The following CTNND1 variants were observed in gnomAD, a reference collection of about 807,000 sequenced individuals.
CTNND1 encodes the protein catenin delta 1.
CTNND1 carries 16 observed loss-of-function variants against 112.1 expected under a neutral mutation model. The observed-to-expected ratio is 0.14, with a 90% CI of 0.10 to 0.22. The LOEUF (loss-of-function observed/expected upper bound fraction) is 0.22. Among genes scored for constraint, CTNND1 ranks in the 10% least tolerant of loss-of-function variants. CTNND1 has a pLI of 1.00. For missense variants in CTNND1, 1,008 were observed against 1,257.0 expected (o/e 0.80, Z 3.00); for synonymous variants, 420 against 446.5 (o/e 0.94, Z 0.75).
In CTNND1 at chr11:57,788,648, G is replaced by C. The variant is rs2060377214; in HGVS notation, c.-213-389G>C. ...ATGTCTTTGTGGGCATGCTGGGACT[G>C]GGCTTTGAGGTTTCTGCCTTAGGGG... On this transcript the variant is annotated intron_variant, in intron 1 of 20. Transcript: ENST00000399050. The surrounding 1 kb of genome is among the most constrained non-coding windows in gnomAD (Gnocchi z 4.1). 6.6e-6 allele frequency among the ~76,000 whole-genome samples: 1 copy of C among 152,154 alleles called. No individual in the cohort carries two copies. Among genetic ancestry groups the C allele is most frequent in the Admixed American group, 6.5e-5 (1 of 15,270 alleles).
chr11:57,771,652 G>C (rs1251054259), intron 1 of CTNND1, among the ~76,000 whole-genome samples: 2 of 152,176 alleles, frequency 1.3e-5, no homozygotes, highest in Non-Finnish European at 2.9e-5. Flanking sequence ...GTAGGGTCTT[G>C]TTGTATACTA....
rs1430439447 is a variant in CTNND1, at chr11:57,762,040, A to G, written c.-293A>G. On this transcript the variant is annotated 5_prime_UTR_variant, in exon 1 of 21. Transcript: ENST00000399050. Reference sequence around the variant, plus strand: ...AAAGGACTGATTTTTAGAACTCCACATTTGAGGTGTGTGGCTTTTGAAGAA... The same window carrying G: ...AAAGGACTGATTTTTAGAACTCCACGTTTGAGGTGTGTGGCTTTTGAAGAA... The G allele has an allele frequency of 2.0e-6, 2 of 985,308 alleles. No individual in the cohort carries two copies. Among genetic ancestry groups the G allele is most frequent in the African/African-American group, 1.7e-5 (1 of 57,236 alleles). 61.0% of individuals were successfully genotyped at this position (985,308 alleles called of 1,614,324 possible). A position where few individuals can be genotyped will look rare whatever the true frequency, so the allele number is the denominator to read the frequency against.
At chr11:57,790,600 T>C (rs1462355269) in intron 2 of CTNND1, among the ~76,000 whole-genome samples, 2 of 128,834 alleles carry the variant, frequency 1.6e-5, no homozygotes, top group South Asian at 2.8e-4. Flanking sequence ...CACTGTCGCC[T>C]AGGCTGGAGT....
chr11:57,792,266 A>G (rs1459550661), intron 3 of CTNND1, among the ~76,000 whole-genome samples: 1 of 152,258 alleles, frequency 6.6e-6, no homozygotes, highest in Non-Finnish European at 1.5e-5. Flanking sequence ...CCAAATAACC[A>G]CAGGAGCCAG....
intron 1 of CTNND1, among the ~76,000 whole-genome samples, chr11:57,775,661 A>G (rs1176220924): frequency 1.3e-5 from 2 of 150,372 alleles, no homozygotes; most frequent in East Asian, 2.0e-4. Flanking sequence ...GGAAGGGCCA[A>G]TGTTACTTCC....
rs2063998418 is a variant in CTNND1, at chr11:57,816,403, G to T, written c.*95G>T. The T allele has an allele frequency of 6.6e-7, 1 of 1,517,426 alleles. No individual in the cohort carries two copies. The highest frequency in any genetic ancestry group is 1.4e-5 in the African/African-American group (1 of 72,984). 94.0% of individuals were successfully genotyped at this position (1,517,426 alleles called of 1,614,324 possible). On this transcript the variant is annotated 3_prime_UTR_variant, in exon 21 of 21. Coordinates refer to ENST00000399050, the MANE Select transcript of CTNND1 (RefSeq NM_001085458.2). ...TTTCCTTTTTCTTCGCTGGACTATT[G>T]TGCCAACTGCCAGGCTGCCTCCTGC... is the stretch of plus-strand genomic sequence containing the variant.
chr11:57,778,049 G>C lies in CTNND1; in HGVS notation c.-213-10988G>C, dbSNP rs11570177. ...TTACAGCCCCTGACCCACTTCAGGGGGTTGTGAGCAGGAAAAGCTGATGTT... is the reference window on the plus strand; with the variant it reads ...TTACAGCCCCTGACCCACTTCAGGGCGTTGTGAGCAGGAAAAGCTGATGTT... On this transcript the variant is annotated intron_variant, in intron 1 of 20. Transcript: ENST00000399050. 1.4e-3 allele frequency among the ~76,000 whole-genome samples: 213 copies of C among 152,222 alleles called. No individual in the cohort carries two copies. In the Middle Eastern group the frequency reaches 0.027, roughly 19 times the overall value.
chr11:57,769,531 A>C (rs948382689), intron 1 of CTNND1, among the ~76,000 whole-genome samples: 11 of 149,680 alleles, frequency 7.3e-5, no homozygotes, highest in Admixed American at 6.6e-4. Flanking sequence ...TTCTTCTACC[A>C]ATTCTCCTGT....
chr11:57,809,567 T>C, intron 15 of CTNND1, 101 bp downstream of exon 15: 2 of 1,011,112 alleles, frequency 2.0e-6, no homozygotes, highest in Non-Finnish European at 2.9e-6. Context: ...CTTATTTACG[T>C]GTAATGTGTG....
rs183357386 is a variant in CTNND1 at position 57,818,683 on chromosome 11, G to C, written c.*2375G>C. The C allele has an allele frequency of 6.6e-6, 1 of 152,116 alleles. No individual in the cohort carries two copies. Among genetic ancestry groups the C allele is most frequent in the Non-Finnish European group, 1.5e-5 (1 of 68,018 alleles). 9.4% of individuals were successfully genotyped at this position (152,116 alleles called of 1,614,324 possible). ...TTGAATGTGGCTGAAGTTGAACATG[G>C]GAGCTTATTGCTAATTTAGAGATAG... On this transcript the variant is annotated 3_prime_UTR_variant, in exon 21 of 21. Transcript: ENST00000399050.
chr11:57,773,184 A>G (rs949191639), intron 1 of CTNND1, among the ~76,000 whole-genome samples: 1 of 152,186 alleles, frequency 6.6e-6, no homozygotes, highest in East Asian at 1.9e-4. Flanking sequence ...TTTTTGAGAT[A>G]GAGCTTTGCT....
chr11:57,789,231 T>C (rs2060440653), intron 2 of CTNND1, 76 bp downstream of exon 2: 1 of 1,068,344 alleles, frequency 9.4e-7, no homozygotes, highest in African/African-American at 1.6e-5. Context: ...TCCTTTCATG[T>C]CATAGCAGAA....
chr11:57,791,371 C>T lies in CTNND1; in HGVS notation c.-94-14C>T, dbSNP rs926641438. On this transcript the variant is annotated splice_polypyrimidine_tract_variant and intron_variant, in intron 2 of 20. Transcript: ENST00000399050. ...GTGACCTTTTCTCTCCTTTCTCTTACCCTTTCCCGGTAGTGTGAAGTGAGG... is the reference window on the plus strand; with the variant it reads ...GTGACCTTTTCTCTCCTTTCTCTTATCCTTTCCCGGTAGTGTGAAGTGAGG... 2 of 1,359,780 alleles carry T rather than the reference C, an allele frequency of 1.5e-6. No homozygotes were observed. The highest frequency in any genetic ancestry group is 6.0e-5 in the East Asian group (2 of 33,278). 84.2% of individuals were successfully genotyped at this position (1,359,780 alleles called of 1,614,324 possible). A position where few individuals can be genotyped will look rare whatever the true frequency, so the allele number is the denominator to read the frequency against.
At position 57,791,084 on chromosome 11, in the gene CTNND1, A is replaced by G. The variant is rs139721852; in HGVS notation, c.-94-301A>G. 3.3e-5 allele frequency among the ~76,000 whole-genome samples: 5 copies of G among 152,234 alleles called. No individual in the cohort carries two copies. The East Asian group carries it at 9.7e-4, about 29-fold the overall frequency. On this transcript the variant is annotated intron_variant, in intron 2 of 20. Coordinates refer to ENST00000399050, the MANE Select transcript of CTNND1 (RefSeq NM_001085458.2). ...ACCAGCAGATTTTTTTCAGGGAAAA[A>G]TAATCCAATCTCATAACTACAGCAC... is the stretch of plus-strand genomic sequence containing the variant.
Position 57,801,986 on chromosome 11 carries a change from G to A in CTNND1, c.1210G>A (p.Val404Met). 7 of 1,614,044 alleles carry A rather than the reference G, an allele frequency of 4.3e-6. No individual in the cohort carries two copies. Among genetic ancestry groups the A allele is most frequent in the Non-Finnish European group, 5.9e-6 (7 of 1,179,902 alleles). Residue 404 changes from valine to methionine, a missense_variant, in exon 7 of 21, where the codon GTG becomes ATG. Transcript: ENST00000399050. ...CCGCAATGACAAGGTGAAGACTGAC[G>A]TGCGGAAGCTCAAGGGCATCCCAGT... is the stretch of plus-strand genomic sequence containing the variant. ...CYRNDKVKTDVRKLKGIPVLV... is the reference protein window; with the variant it reads ...CYRNDKVKTDMRKLKGIPVLV...
rs550314689 is a variant in CTNND1, at chr11:57,769,664, T to A, written c.-214+7545T>A. On this transcript the variant is annotated intron_variant, in intron 1 of 20. Transcript: ENST00000399050. ...TGGGTTTCCTTTTTTTCCCTTTAGGTTTTCCCTTAGGTCTTCATGGGCGTT... is the reference window on the plus strand; with the variant it reads ...TGGGTTTCCTTTTTTTCCCTTTAGGATTTCCCTTAGGTCTTCATGGGCGTT... Among the ~76,000 whole-genome samples the A allele has an allele frequency of 2.4e-4, 37 of 152,226 alleles. 1 individual carries two copies. The South Asian group carries it at 7.7e-3, about 32-fold the overall frequency.
intron 2 of CTNND1, among the ~76,000 whole-genome samples, chr11:57,790,106 GA>G (rs2060532136): frequency 6.6e-6 from 1 of 152,148 alleles, no homozygotes; most frequent in Non-Finnish European, 1.5e-5. Flanking sequence ...TTTGGAGGCA[GA>G]GTCTCACTCT....
At chr11:57,781,506 C>G (rs1185083787) in intron 1 of CTNND1, 1 of 152,216 alleles carries the variant, frequency 6.6e-6, no homozygotes, top group Non-Finnish European at 1.5e-5. Context: ...TGGCCTCTCC[C>G]CTTCCTTTAG....
intron 12 of CTNND1, 68 bp from the exon 13 acceptor site, chr11:57,808,097 C>G (rs1210322415): frequency 3.9e-6 from 6 of 1,533,304 alleles, no homozygotes; most frequent in South Asian, 1.2e-5. Flanking sequence ...AGGCTGGACT[C>G]CAGCCAGCTA....
Sources: allele counts gnomAD v4.1 joint callset (sites outside exome capture counted in the v4.1 genomes callset), GRCh38; gene constraint gnomAD v4.1.1; non-coding constraint Gnocchi (gnomAD v3.1); transcripts MANE v1.5; gene names NCBI Gene and HGNC (gene_info 2026-07-23, HGNC 2026-07-21).